CMC2: variants seen among roughly 807,000 people sequenced by gnomAD.
The protein encoded by CMC2 is C-X9-C motif containing 2.
CMC2 carries 5 observed loss-of-function variants against 7.5 expected under a neutral mutation model. The ratio of observed to expected loss-of-function variants is 0.66; its 90% CI spans 0.35 to 1.40. CMC2 has a LOEUF of 1.40. Ranked by LOEUF, CMC2 falls within the 40% of genes most tolerant of loss-of-function variation. CMC2 has a pLI of 0.04. For missense variants in CMC2, 115 were observed against 92.3 expected (o/e 1.25, Z -1.01); for synonymous variants, 37 against 31.4 (o/e 1.18, Z -0.60).
intron 2 of CMC2, among the ~76,000 whole-genome samples, chr16:80,988,314 G>A (rs1054887871): frequency 2.6e-5 from 4 of 152,206 alleles, no homozygotes; most frequent in East Asian, 3.9e-4. Flanking sequence ...CTGAAGTGCC[G>A]GAGTGACATC....
chr16:80,994,285 G>A (rs1968234199), intron 2 of CMC2, among the ~76,000 whole-genome samples: 2 of 151,564 alleles, frequency 1.3e-5, no homozygotes, highest in Admixed American at 6.6e-5. Flanking sequence ...AAGCTAATAC[G>A]ATAGAACTAA....
At chr16:80,985,730 G>C (rs964622816) in intron 2 of CMC2, among the ~76,000 whole-genome samples, 1 of 151,942 alleles carries the variant, frequency 6.6e-6, no homozygotes, top group Non-Finnish European at 1.5e-5. Context: ...TGCACCAGGA[G>C]AATCTAGGCC....
rs1911893837 is a variant in CMC2 at position 80,971,294 on chromosome 16, G to A, written c.*4799C>T. On this transcript the variant is annotated 3_prime_UTR_variant, in exon 4 of 4. Transcript: ENST00000219400. ...TCTCCCAGATTGGACAAGAAGGTAA[G>A]TAAGAACGTTCATTGAAGTTTACAA... The A allele has an allele frequency of 6.6e-6, 1 of 152,038 alleles. No individual in the cohort carries two copies. The highest frequency in any genetic ancestry group is 2.1e-4 in the South Asian group (1 of 4,826). 9.4% of individuals were successfully genotyped at this position (152,038 alleles called of 1,614,324 possible). A position where few individuals can be genotyped will look rare whatever the true frequency, so the allele number is the denominator to read the frequency against.
At chr16:80,979,672 A>T (rs1966970122) in intron 3 of CMC2, among the ~76,000 whole-genome samples, 1 of 151,552 alleles carries the variant, frequency 6.6e-6, no homozygotes, top group Non-Finnish European at 1.5e-5. Flanking sequence ...CCAGGCTAGA[A>T]TGCAGTAATG....
rs1911916700 is a variant in CMC2, at chr16:80,971,559, A to ATATATATATATGTATGTATGAAAT, written c.*4533_*4534insATTTCATACATACATATATATATA. 1 of 97,044 alleles carries ATATATATATATGTATGTATGAAAT rather than the reference A, an allele frequency of 1.0e-5. No individual in the cohort carries two copies. The highest frequency in any genetic ancestry group is 5.7e-5 in the African/African-American group (1 of 17,436). 6.0% of individuals were successfully genotyped at this position (97,044 alleles called of 1,614,324 possible). A position where few individuals can be genotyped will look rare whatever the true frequency, so the allele number is the denominator to read the frequency against. ...TATGGCTATGGATACTGACATACAT[A>ATATATATATATGTATGTATGAAAT]CATTTTATATATATATATATATATA... On this transcript the variant is annotated 3_prime_UTR_variant, in exon 4 of 4. Transcript: ENST00000219400.
intron 1 of CMC2, among the ~76,000 whole-genome samples, chr16:81,006,339 TAAC>T (rs1220206023): frequency 1.3e-5 from 2 of 152,194 alleles, no homozygotes; most frequent in African/African-American, 4.8e-5. Context: ...TAAACAACAA[TAAC>T]AACACTTTAT....
chr16:80,990,877 A>C (rs148555701), intron 2 of CMC2, among the ~76,000 whole-genome samples: 1 of 152,136 alleles, frequency 6.6e-6, no homozygotes, highest in African/African-American at 2.4e-5. Flanking sequence ...GGCATGTGTC[A>C]TCTAGTGACA....
intron 2 of CMC2, among the ~76,000 whole-genome samples, chr16:80,991,498 C>A (rs993098428): frequency 1.3e-5 from 2 of 151,910 alleles, no homozygotes; most frequent in Admixed American, 6.6e-5. Flanking sequence ...AAAAATTATT[C>A]GAGCATGGTG....
chr16:81,003,587 T>C (rs1969022440), intron 1 of CMC2, among the ~76,000 whole-genome samples: 1 of 152,184 alleles, frequency 6.6e-6, no homozygotes, highest in South Asian at 2.1e-4. Flanking sequence ...GACAGATTTT[T>C]AATCCATGTT....
At chr16:80,988,147 G>C (rs1020729879) in intron 2 of CMC2, among the ~76,000 whole-genome samples, 2 of 152,252 alleles carry the variant, frequency 1.3e-5, no homozygotes, top group East Asian at 1.9e-4. Flanking sequence ...TTGTGCCACC[G>C]CACTCGAGCC....
At chr16:80,996,496 CA>C (rs1968426033) in intron 2 of CMC2, among the ~76,000 whole-genome samples, 1 of 151,998 alleles carries the variant, frequency 6.6e-6, no homozygotes, top group Non-Finnish European at 1.5e-5. Context: ...TGAAATAGCC[CA>C]AAAAATATTG....
rs1912213977 is a variant in CMC2 at position 80,975,492 on chromosome 16, T to TA, written c.*600dup. The TA allele has an allele frequency of 6.7e-6, 1 of 149,910 alleles. No individual in the cohort carries two copies. Among genetic ancestry groups the TA allele is most frequent in the African/African-American group, 2.6e-5 (1 of 39,204 alleles). 9.3% of individuals were successfully genotyped at this position (149,910 alleles called of 1,614,324 possible). On this transcript the variant is annotated 3_prime_UTR_variant, in exon 4 of 4. Transcript: ENST00000219400. ...AGCCAGGCATGGTAGCCTGCGCCTG[T>TA]AGCCCCAGCTACTAGAGAGGCTGAG...
intron 2 of CMC2, among the ~76,000 whole-genome samples, chr16:80,990,861 A>G (rs1005745459): frequency 6.6e-6 from 1 of 152,024 alleles, no homozygotes. Flanking sequence ...AGGAGCTGGG[A>G]CTACAGGCAT....
Position 80,988,970 on chromosome 16 carries a change from G to T in CMC2, c.82-7093C>A, listed in dbSNP as rs185150938. Among the ~76,000 whole-genome samples, 48 of 152,168 alleles carry T rather than the reference G, an allele frequency of 3.2e-4. 1 individual carries two copies. The highest frequency in any genetic ancestry group is 1.0e-3 in the South Asian group (5 of 4,822). ...TTTGTCTGGTGTTTCTTCACAACTCGATTCAGGTCGTGACTTTTTGGCAGG... is the reference window on the plus strand; with the variant it reads ...TTTGTCTGGTGTTTCTTCACAACTCTATTCAGGTCGTGACTTTTTGGCAGG... On this transcript the variant is annotated intron_variant, in intron 2 of 3. Coordinates refer to ENST00000219400, the MANE Select transcript of CMC2 (RefSeq NM_020188.5).
intron 1 of CMC2, among the ~76,000 whole-genome samples, chr16:81,000,725 G>C (rs945608847): frequency 6.6e-6 from 1 of 152,162 alleles, no homozygotes; most frequent in Non-Finnish European, 1.5e-5. Flanking sequence ...TGTGAGAAAA[G>C]AGAATGCTTA....
chr16:80,982,861 A>C (rs1022728868), intron 2 of CMC2: 1 of 156,118 alleles, frequency 6.4e-6, no homozygotes, highest in Non-Finnish European at 1.4e-5. Flanking sequence ...TAACCATAAA[A>C]CTTGAATAAC....
At chr16:80,993,265 A>C (rs1968150075) in intron 2 of CMC2, among the ~76,000 whole-genome samples, 1 of 152,214 alleles carries the variant, frequency 6.6e-6, no homozygotes, top group Non-Finnish European at 1.5e-5. Flanking sequence ...ACTGAAAGAA[A>C]AAAACAAAAC....
chr16:80,968,800 AG>A lies in CMC2; in HGVS notation c.*7292del, dbSNP rs2151601351. On this transcript the variant is annotated 3_prime_UTR_variant, in exon 4 of 4. Transcript: ENST00000219400. ...AATCAGAGAGAACTGTAAACCAGAAAGTAAGTGCATCAGCACATGCTATGCA... is the reference window on the plus strand; with the variant it reads ...AATCAGAGAGAACTGTAAACCAGAAATAAGTGCATCAGCACATGCTATGCA... 1 of 152,368 alleles carries A rather than the reference AG, an allele frequency of 6.6e-6. No individual in the cohort carries two copies. Among genetic ancestry groups the A allele is most frequent in the African/African-American group, 2.4e-5 (1 of 41,572 alleles). 9.4% of individuals were successfully genotyped at this position (152,368 alleles called of 1,614,324 possible). A position where few individuals can be genotyped will look rare whatever the true frequency, so the allele number is the denominator to read the frequency against.
chr16:81,003,992 G>C (rs535352511), intron 1 of CMC2, among the ~76,000 whole-genome samples: 5 of 152,256 alleles, frequency 3.3e-5, no homozygotes, highest in African/African-American at 1.2e-4. Context: ...GCAGGCCGAG[G>C]TGGGCAGATC....
Sources: allele counts gnomAD v4.1 joint callset (sites outside exome capture counted in the v4.1 genomes callset), GRCh38; gene constraint gnomAD v4.1.1; transcripts MANE v1.5; gene names NCBI Gene and HGNC (gene_info 2026-07-23, HGNC 2026-07-21).